Variants in EPSTI1 observed in about 807,000 individuals in gnomAD.
EPSTI1 encodes the protein epithelial stromal interaction 1, also known as epithelial-stromal interaction protein 1.
EPSTI1 carries 66 observed loss-of-function variants against 49.9 expected under a neutral mutation model. The observed-to-expected ratio is 1.32, with a 90% CI of 1.08 to 1.62. The LOEUF (loss-of-function observed/expected upper bound fraction) is 1.62, where lower values mean the gene tolerates loss of function less well. EPSTI1 is among the 40% of genes most tolerant of loss of function. EPSTI1 has a pLI of 0.00. For synonymous variants in EPSTI1, 137 were observed against 130.7 expected (o/e 1.05, Z -0.33); for missense variants, 394 against 365.5 (o/e 1.08, Z -0.64).
intron 6 of EPSTI1, among the ~76,000 whole-genome samples, chr13:42,943,728 C>T (rs1220809159): frequency 1.3e-5 from 2 of 152,016 alleles, no homozygotes; most frequent in African/African-American, 4.8e-5. Flanking sequence ...CAAAAACTGG[C>T]CTGGCCAACC....
intron 8 of EPSTI1, among the ~76,000 whole-genome samples, chr13:42,911,346 ACTT>A (rs2037681540): frequency 1.3e-5 from 2 of 152,138 alleles, no homozygotes; most frequent in Non-Finnish European, 2.9e-5. Flanking sequence ...AGTGAAATAA[ACTT>A]CTAAAATGTT....
intron 1 of EPSTI1, among the ~76,000 whole-genome samples, chr13:42,979,597 AAAAAAG>A (rs2039950408): frequency 2.5e-5 from 3 of 120,164 alleles, no homozygotes; most frequent in Non-Finnish European, 3.6e-5. Context: ...AAAAAAAAAA[AAAAAAG>A]AAAAGAAAAG....
At chr13:42,943,393 C>T (rs58231812) in intron 6 of EPSTI1, among the ~76,000 whole-genome samples, 4,745 of 152,286 alleles carry the variant, frequency 0.031, 174 homozygotes, top group South Asian at 0.099. Flanking sequence ...CTGTATTCAG[C>T]GTCTCTTTCC....
Position 42,988,470 on chromosome 13 carries a change from C to T in EPSTI1, c.188+3508G>A, listed in dbSNP as rs181064505. Among the ~76,000 whole-genome samples the T allele has an allele frequency of 4.5e-3, 689 of 152,288 alleles. 7 individuals carry two copies. Among genetic ancestry groups the T allele is most frequent in the African/African-American group, 0.015 (642 of 41,556 alleles). ...AATCTTGGCCAGGCGCGGTGGCTCA[C>T]GCCTGTAATCCCAGCACTTTGGGAG... is the stretch of plus-strand genomic sequence containing the variant. On this transcript the variant is annotated intron_variant, in intron 1 of 10. Transcript: ENST00000313624.
At chr13:42,941,801 G>A (rs1045701071) in intron 6 of EPSTI1, among the ~76,000 whole-genome samples, 36 of 151,328 alleles carry the variant, frequency 2.4e-4, no homozygotes, top group African/African-American at 8.0e-4. Flanking sequence ...GTAGATTTTA[G>A]TCAGTCTTCT....
chr13:42,972,481 A>C (rs2039791372), intron 1 of EPSTI1, among the ~76,000 whole-genome samples: 1 of 152,260 alleles, frequency 6.6e-6, no homozygotes, highest in Non-Finnish European at 1.5e-5. Flanking sequence ...TGGTAAAGAC[A>C]CAGAGGTTGA....
At position 42,887,436 on chromosome 13, in the gene EPSTI1, A is replaced by G. The variant is rs1411310134; in HGVS notation, c.*1058T>C. 6.6e-6 allele frequency: 1 copy of G among 152,264 alleles called. No homozygotes were observed. Among genetic ancestry groups the G allele is most frequent in the Non-Finnish European group, 1.5e-5 (1 of 68,052 alleles). The allele number at this position is 152,264 out of a possible 1,614,324, so 9.4% of individuals were successfully genotyped here. A position where few individuals can be genotyped will look rare whatever the true frequency, so the allele number is the denominator to read the frequency against. On this transcript the variant is annotated 3_prime_UTR_variant, in exon 11 of 11. Transcript: ENST00000313624. ...ATTTCAACAGAGTGACTGGTAACAC[A>G]GAAGATCTCTTAATGCTGCAAAGTA...
chr13:42,978,164 AG>A (rs1055950167), intron 1 of EPSTI1, among the ~76,000 whole-genome samples: 3 of 148,528 alleles, frequency 2.0e-5, no homozygotes, highest in African/African-American at 7.8e-5. Context: ...AAAAAAAAAA[AG>A]AAAGTTTATT....
At chr13:42,990,775 G>T (rs1422761341) in intron 1 of EPSTI1, among the ~76,000 whole-genome samples, 1 of 152,150 alleles carries the variant, frequency 6.6e-6, no homozygotes, top group Non-Finnish European at 1.5e-5. Context: ...CGGCCATAAG[G>T]TTATATACTG....
chr13:42,986,542 A>T (rs974845222), intron 1 of EPSTI1, among the ~76,000 whole-genome samples: 1 of 152,162 alleles, frequency 6.6e-6, no homozygotes, highest in African/African-American at 2.4e-5. Flanking sequence ...CAGGAGTTCG[A>T]GACCAGCCTG....
chr13:42,979,248 A>C (rs1481523520), intron 1 of EPSTI1, among the ~76,000 whole-genome samples: 1 of 152,216 alleles, frequency 6.6e-6, no homozygotes, highest in Non-Finnish European at 1.5e-5. Flanking sequence ...GAGCTTTAGA[A>C]TATCACCTAA....
intron 1 of EPSTI1, among the ~76,000 whole-genome samples, chr13:42,979,624 C>G (rs1594759799): frequency 6.6e-6 from 1 of 151,066 alleles, no homozygotes; most frequent in Non-Finnish European, 1.5e-5. Context: ...AAATTTTAAG[C>G]CTAACAAGCA....
chr13:42,925,401 G>A (rs961871780), intron 7 of EPSTI1, among the ~76,000 whole-genome samples: 4 of 152,114 alleles, frequency 2.6e-5, no homozygotes, highest in Admixed American at 6.5e-5. Context: ...CCATGAGCAC[G>A]CAGTATGCGG....
At position 42,888,212 on chromosome 13, in the gene EPSTI1, T is replaced by A. The variant is rs2036917558; in HGVS notation, c.*282A>T. 1 of 1,605,036 alleles carries A rather than the reference T, an allele frequency of 6.2e-7. No homozygotes were observed. ...TGAAAGCATCAAGTGACTCCCTCTTTTTCTACCCTACCAACATCACTCTAA... is the reference window on the plus strand; with the variant it reads ...TGAAAGCATCAAGTGACTCCCTCTTATTCTACCCTACCAACATCACTCTAA... On this transcript the variant is annotated 3_prime_UTR_variant, in exon 11 of 11. Coordinates refer to ENST00000313624, the MANE Select transcript of EPSTI1 (RefSeq NM_033255.5).
intron 10 of EPSTI1, among the ~76,000 whole-genome samples, chr13:42,894,011 G>A (rs557255517): frequency 2.6e-5 from 4 of 152,144 alleles, no homozygotes; most frequent in Admixed American, 6.5e-5. Flanking sequence ...CATATATTAC[G>A]GATAAATAGA....
chr13:42,974,991 C>T (rs760420029), intron 1 of EPSTI1, among the ~76,000 whole-genome samples: 35 of 151,944 alleles, frequency 2.3e-4, no homozygotes, highest in Non-Finnish European at 3.8e-4. Context: ...GTAAAGTCTA[C>T]AGTCCTGCAA....
chr13:42,952,492 G>A (rs1431829125), intron 6 of EPSTI1, among the ~76,000 whole-genome samples: 1 of 152,188 alleles, frequency 6.6e-6, no homozygotes, highest in Admixed American at 6.5e-5. Flanking sequence ...CATGAAAGGA[G>A]AGGCAATGAT....
chr13:42,952,138 A>G (rs1393992743), intron 6 of EPSTI1, among the ~76,000 whole-genome samples: 1 of 152,212 alleles, frequency 6.6e-6, no homozygotes, highest in Non-Finnish European at 1.5e-5. Flanking sequence ...TCAGCACTCT[A>G]TAAAATGGAC....
chr13:42,890,625 T>C (rs1362228712), intron 10 of EPSTI1, among the ~76,000 whole-genome samples: 1 of 152,170 alleles, frequency 6.6e-6, no homozygotes, highest in Non-Finnish European at 1.5e-5. Flanking sequence ...AAAAGGGTCA[T>C]TCATATTTTT....
Sources: allele counts gnomAD v4.1 joint callset (sites outside exome capture counted in the v4.1 genomes callset), GRCh38; gene constraint gnomAD v4.1.1; transcripts MANE v1.5; gene names NCBI Gene and HGNC (gene_info 2026-07-23, HGNC 2026-07-21).